The following COL25A1 variants were observed in gnomAD, a reference collection of about 807,000 sequenced individuals.
The protein encoded by COL25A1 is collagen alpha-1(XXV) chain.
In COL25A1, 103 loss-of-function variants were observed where a neutral mutation model predicts 128.4. The observed-to-expected ratio is 0.80, with a 90% CI of 0.68 to 0.94. The LOEUF (loss-of-function observed/expected upper bound fraction) is 0.94. Among genes scored for constraint, COL25A1 ranks in the 40% least tolerant of loss-of-function variants. The pLI is 0.00. For synonymous variants in COL25A1, 279 were observed against 277.2 expected, an observed-to-expected ratio of 1.01 and a Z score of -0.06; for missense variants, 745 against 840.0, an observed-to-expected ratio of 0.89 and a Z score of 1.40.
chr4:108,817,592 G>C (rs1731362808), intron 36 of COL25A1, among the ~76,000 whole-genome samples, 157 bp from the exon 37 acceptor site: 1 of 152,106 alleles, frequency 6.6e-6, no homozygotes, highest in Admixed American at 6.6e-5. Context: ...ATATTTCCCA[G>C]TGTTAGGTAA....
At chr4:109,019,206 C>A (rs768285565) in intron 5 of COL25A1, among the ~76,000 whole-genome samples, 2 of 151,788 alleles carry the variant, frequency 1.3e-5, no homozygotes, top group Admixed American at 1.3e-4. Context: ...ATGCTTCCTG[C>A]CCTCAAATAT....
At chr4:109,090,076 C>T (rs141602222) in intron 3 of COL25A1, among the ~76,000 whole-genome samples, 142 of 151,858 alleles carry the variant, frequency 9.4e-4, no homozygotes, top group South Asian at 3.1e-3. Context: ...ATAATATAAA[C>T]ATGTAAAATG....
chr4:108,903,280 A>G (rs1743073177), intron 13 of COL25A1, among the ~76,000 whole-genome samples: 2 of 151,940 alleles, frequency 1.3e-5, no homozygotes, highest in Non-Finnish European at 1.5e-5. Flanking sequence ...CCATCACTCT[A>G]TAATAATTGT....
intron 3 of COL25A1, among the ~76,000 whole-genome samples, chr4:109,101,311 G>A (rs986318319): frequency 2.0e-5 from 3 of 152,140 alleles, no homozygotes; most frequent in Non-Finnish European, 2.9e-5. Flanking sequence ...CTGAGCCCTC[G>A]GTGACTGCAG....
intron 13 of COL25A1, among the ~76,000 whole-genome samples, chr4:108,903,627 T>G: frequency 6.6e-6 from 1 of 152,082 alleles, no homozygotes; most frequent in East Asian, 1.9e-4. Flanking sequence ...GTTTTATTAG[T>G]CAATGGAAAC....
chr4:109,017,010 G>C (rs2345008), intron 5 of COL25A1, among the ~76,000 whole-genome samples: 77,773 of 152,170 alleles, frequency 0.51, 22,628 homozygotes, highest in African/African-American at 0.78. Flanking sequence ...TGGCCCTTCA[G>C]GGAGCCCAGA....
chr4:109,194,784 T>C (rs1275498918), intron 3 of COL25A1, among the ~76,000 whole-genome samples: 1 of 152,108 alleles, frequency 6.6e-6, no homozygotes, highest in East Asian at 1.9e-4. Flanking sequence ...GACTGTGCAA[T>C]TCCTCCTAGT....
Position 108,886,481 on chromosome 4 carries a change from TGTG to T in COL25A1, c.976-2262_976-2260del, listed in dbSNP as rs1740814112. Among the ~76,000 whole-genome samples, 3 of 133,680 alleles carry T rather than the reference TGTG, an allele frequency of 2.2e-5. 1 individual carries two copies. The highest frequency in any genetic ancestry group is 8.2e-5 in the African/African-American group (3 of 36,754). 87.7% of individuals were successfully genotyped at this position (133,680 alleles called of 152,430 possible). A position where few individuals can be genotyped will look rare whatever the true frequency, so the allele number is the denominator to read the frequency against. ...GTGTGTGTGTGTGTGTGTGTGTGTG[TGTG>T]TGTGTGTGTTTAGCTCATCAGCTAT... On this transcript the variant is annotated intron_variant, in intron 18 of 37. Coordinates refer to ENST00000399132, the MANE Select transcript of COL25A1 (RefSeq NM_198721.4).
chr4:109,006,981 G>A (rs931371045), intron 6 of COL25A1, among the ~76,000 whole-genome samples: 4 of 152,060 alleles, frequency 2.6e-5, no homozygotes, highest in Non-Finnish European at 5.9e-5. Flanking sequence ...GTGATCAGAC[G>A]ATCTGTGCTG....
chr4:108,886,087 G>A (rs1018710969), intron 18 of COL25A1, among the ~76,000 whole-genome samples: 4 of 152,130 alleles, frequency 2.6e-5, no homozygotes, highest in Non-Finnish European at 5.9e-5. Context: ...TACATCATAT[G>A]TGTACTATGT....
At chr4:109,116,654 T>G (rs1178603981) in intron 3 of COL25A1, among the ~76,000 whole-genome samples, 2 of 152,070 alleles carry the variant, frequency 1.3e-5, no homozygotes, top group Non-Finnish European at 2.9e-5. Flanking sequence ...TGTCAGAGAC[T>G]GAACAAGCAT....
intron 3 of COL25A1, among the ~76,000 whole-genome samples, chr4:109,279,428 TAGCCAGGTCTGGCTAATCTGCACACCTC>T (rs1723161259): frequency 1.3e-5 from 2 of 152,180 alleles, no homozygotes; most frequent in East Asian, 3.9e-4. Flanking sequence ...ATTAGAAGAT[TAGCCAGGTCTGGCTAATCTGCACACCTC>T]AGTCCCAGCT....
intron 5 of COL25A1, among the ~76,000 whole-genome samples, chr4:109,023,582 G>T (rs552763003): frequency 1.3e-5 from 2 of 152,314 alleles, no homozygotes; most frequent in Non-Finnish European, 2.9e-5. Context: ...AAGAAGTAAA[G>T]AAGTTGAGGC....
intron 3 of COL25A1, among the ~76,000 whole-genome samples, chr4:109,207,134 G>A (rs1777069909): frequency 6.6e-6 from 1 of 152,058 alleles, no homozygotes; most frequent in Admixed American, 6.6e-5. Context: ...CTTGTGCTGG[G>A]GTTAACTAAC....
At chr4:108,845,022 T>TGCAGGGCTGACGGATGTTTCTTCTA (rs1734918481) in intron 29 of COL25A1, among the ~76,000 whole-genome samples, 167 bp downstream of exon 29, 1 of 152,202 alleles carries the variant, frequency 6.6e-6, no homozygotes, top group Non-Finnish European at 1.5e-5. Context: ...ATACTTTGTG[T>TGCAGGGCTGACGGATGTTTCTTCTA]ATCACTGTGC....
At chr4:109,145,704 G>C (rs543142661) in intron 3 of COL25A1, among the ~76,000 whole-genome samples, 35 of 152,258 alleles carry the variant, frequency 2.3e-4, no homozygotes, top group African/African-American at 7.9e-4. Flanking sequence ...AGCCAGGCAT[G>C]GTGGTGGGTG....
intron 6 of COL25A1, among the ~76,000 whole-genome samples, chr4:108,996,942 C>G (rs552901345): frequency 6.6e-6 from 1 of 152,248 alleles, no homozygotes; most frequent in African/African-American, 2.4e-5. Flanking sequence ...AACAAAGACA[C>G]GATGTACCAG....
intron 26 of COL25A1, 26 bp from the exon 27 acceptor site, chr4:108,848,829 G>T: frequency 6.3e-7 from 1 of 1,586,816 alleles, no homozygotes; most frequent in Non-Finnish European, 8.6e-7. Context: ...TAGATGACTT[G>T]CCTCCATTCT....
chr4:108,832,974 A>AATAAATAAATAAATAAATACATAAATAC (rs1553944781), intron 31 of COL25A1, among the ~76,000 whole-genome samples: 1 of 110,074 alleles, frequency 9.1e-6, no homozygotes, highest in Non-Finnish European at 2.0e-5. Flanking sequence ...CTCAAAAAAT[A>AATAAATAAATAAATAAATACATAAATAC]ATAAATAAAT....
Sources: gnomAD v4.1 joint callset for allele counts (sites outside exome capture counted in the v4.1 genomes callset) on GRCh38, gnomAD v4.1.1 for gene constraint, MANE v1.5 for transcripts, NCBI Gene and HGNC (gene_info 2026-07-23, HGNC 2026-07-21) for gene names.